Variants in SOS2 observed in about 807,000 individuals in gnomAD.
SOS2 encodes the protein SOS Ras/Rho guanine nucleotide exchange factor 2.
In SOS2, 65 loss-of-function variants were observed where a neutral mutation model predicts 148.2. The ratio of observed to expected loss-of-function variants is 0.44; its 90% CI spans 0.36 to 0.54. SOS2 has a LOEUF of 0.54. Among genes scored for constraint, SOS2 ranks in the 20% least tolerant of loss-of-function variants. SOS2 has a pLI of 0.00. For missense variants in SOS2, 1,341 were observed against 1,590.2 expected (o/e 0.84, Z 2.67); for synonymous variants, 539 against 537.1 (o/e 1.00, Z -0.05).
intron 21 of SOS2, among the ~76,000 whole-genome samples, chr14:50,125,914 C>G (rs531896503): frequency 6.6e-6 from 1 of 152,288 alleles, no homozygotes; most frequent in South Asian, 2.1e-4. Context: ...CGAGATTGCC[C>G]CAGGCAGAAG....
chr14:50,161,923 A>T (rs796285025), intron 8 of SOS2, among the ~76,000 whole-genome samples: 153 of 150,470 alleles, frequency 1.0e-3, no homozygotes, highest in Middle Eastern at 3.5e-3. Context: ...GCTAATTTTT[A>T]AAATTTCTGT....
intron 11 of SOS2, among the ~76,000 whole-genome samples, chr14:50,158,265 CTT>C (rs1323468281): frequency 6.6e-6 from 1 of 151,948 alleles, no homozygotes; most frequent in African/African-American, 2.4e-5. Flanking sequence ...AGAAAAGTCT[CTT>C]TTAAGAAAAT....
intron 21 of SOS2, among the ~76,000 whole-genome samples, chr14:50,125,536 A>G (rs988868793): frequency 2.0e-5 from 3 of 152,238 alleles, no homozygotes; most frequent in African/African-American, 7.2e-5. Context: ...GCCAGGAAAT[A>G]TATGAAGCTG....
intron 7 of SOS2, among the ~76,000 whole-genome samples, chr14:50,179,301 T>C (rs1885652694): frequency 6.6e-6 from 1 of 152,202 alleles, no homozygotes; most frequent in Non-Finnish European, 1.5e-5. Context: ...GAAGAAAGGT[T>C]TGTTCATTTG....
chr14:50,152,914 G>C (rs1884705792), intron 13 of SOS2, among the ~76,000 whole-genome samples, 156 bp downstream of exon 13: 1 of 151,818 alleles, frequency 6.6e-6, no homozygotes, highest in Admixed American at 6.6e-5. Context: ...GCAGTGAGCT[G>C]AGATGGCACC....
At chr14:50,149,985 A>G (rs868169166) in intron 14 of SOS2, 23 bp downstream of exon 14, 1 of 1,458,278 alleles carries the variant, frequency 6.9e-7, no homozygotes. Flanking sequence ...AAATAAAGCA[A>G]GACATTAACA....
chr14:50,213,679 C>CA (rs1278362456), intron 1 of SOS2, among the ~76,000 whole-genome samples: 37 of 147,246 alleles, frequency 2.5e-4, no homozygotes, highest in Admixed American at 7.5e-4. Context: ...CCCCCCACCC[C>CA]AAAAAAAAAC....
rs79108804 is a variant in SOS2 at position 50,212,628 on chromosome 14, A to G, written c.88-8219T>C. ...TTTATCCTTTACACATTTTCTGATT[A>G]TATGTTACACTTCACCATAAATGAG... On this transcript the variant is annotated intron_variant, in intron 1 of 22. Transcript: ENST00000216373. Among the ~76,000 whole-genome samples the G allele has an allele frequency of 9.4e-3, 1,436 of 152,338 alleles. 16 individuals carry two copies. Among genetic ancestry groups the G allele is most frequent in the Middle Eastern group, 0.065 (19 of 294 alleles).
At chr14:50,166,387 T>G (rs750417695) in intron 8 of SOS2, among the ~76,000 whole-genome samples, 1 of 151,972 alleles carries the variant, frequency 6.6e-6, no homozygotes, top group East Asian at 1.9e-4. Context: ...TGCCACCACA[T>G]CCAGCTAATT....
At chr14:50,165,787 G>A (rs1221914647) in intron 8 of SOS2, among the ~76,000 whole-genome samples, 1 of 152,130 alleles carries the variant, frequency 6.6e-6, no homozygotes, top group East Asian at 1.9e-4. Flanking sequence ...TTTGAGCTCT[G>A]CTCTGTGCAC....
intron 6 of SOS2, 71 bp downstream of exon 6, chr14:50,182,392 G>C: frequency 4.4e-6 from 6 of 1,377,206 alleles, no homozygotes; most frequent in East Asian, 2.3e-5. Flanking sequence ...ATGTTGCCAA[G>C]ACTCATCTCT....
At chr14:50,204,860 C>T (rs1348318789) in intron 1 of SOS2, among the ~76,000 whole-genome samples, 1 of 151,330 alleles carries the variant, frequency 6.6e-6, no homozygotes, top group Admixed American at 6.6e-5. Context: ...ACTGTCACCA[C>T]CAGCTATGCT....
chr14:50,207,749 T>C (rs1595024232), intron 1 of SOS2, among the ~76,000 whole-genome samples: 1 of 151,160 alleles, frequency 6.6e-6, no homozygotes, highest in East Asian at 2.0e-4. Flanking sequence ...CTACTAAAAA[T>C]AAAAAAATCA....
At chr14:50,163,704 C>A (rs536098207) in intron 8 of SOS2, among the ~76,000 whole-genome samples, 3 of 152,330 alleles carry the variant, frequency 2.0e-5, no homozygotes, top group South Asian at 4.1e-4. Flanking sequence ...AGATTTCTTA[C>A]AGAAAGTCTT....
chr14:50,207,415 G>C (rs1886696520), intron 1 of SOS2, among the ~76,000 whole-genome samples: 2 of 152,038 alleles, frequency 1.3e-5, no homozygotes, highest in African/African-American at 4.8e-5. Flanking sequence ...GAAGGCTAAA[G>C]CAAAAGGATT....
At chr14:50,146,760 G>C (rs1173302937) in intron 14 of SOS2, among the ~76,000 whole-genome samples, 1 of 152,190 alleles carries the variant, frequency 6.6e-6, no homozygotes, top group African/African-American at 2.4e-5. Context: ...ATAAATTGTG[G>C]AGTATAAATA....
intron 1 of SOS2, among the ~76,000 whole-genome samples, chr14:50,213,160 A>G (rs535035819): frequency 6.6e-6 from 1 of 152,334 alleles, no homozygotes; most frequent in African/African-American, 2.4e-5. Flanking sequence ...AGAGCTGTAA[A>G]ACAGGAATAA....
At chr14:50,148,209 C>G (rs994186339) in intron 14 of SOS2, among the ~76,000 whole-genome samples, 3 of 151,800 alleles carry the variant, frequency 2.0e-5, no homozygotes, top group African/African-American at 7.2e-5. Context: ...GTAAGGAGTT[C>G]GTGACCACTG....
intron 12 of SOS2, among the ~76,000 whole-genome samples, chr14:50,155,019 C>A (rs902458641): frequency 6.6e-6 from 1 of 151,228 alleles, no homozygotes. Context: ...TAATGACATA[C>A]AAGTTGAAGT....
Sources: allele counts gnomAD v4.1 joint callset (sites outside exome capture counted in the v4.1 genomes callset), GRCh38; gene constraint gnomAD v4.1.1; transcripts MANE v1.5; gene names NCBI Gene and HGNC (gene_info 2026-07-23, HGNC 2026-07-21).